The following RGS7 variants were observed in gnomAD, a reference collection of about 807,000 sequenced individuals.
The protein encoded by RGS7 is regulator of G protein signaling 7.
A neutral mutation model predicts 81.1 loss-of-function variants in RGS7; 27 were observed. The observed-to-expected ratio is 0.33, with a 90% CI of 0.25 to 0.46. The LOEUF is 0.46. Ranked by LOEUF, RGS7 falls within the 20% of genes least tolerant of loss-of-function variation. The pLI, the probability that RGS7 is intolerant of heterozygous loss-of-function variation, is 1.00. For synonymous variants in RGS7, 208 were observed against 207.7 expected (o/e 1.00, Z -0.01); for missense variants, 396 against 607.4 (o/e 0.65, Z 3.66).
intron 4 of RGS7, among the ~76,000 whole-genome samples, chr1:240,967,383 G>A (rs1049657639): frequency 4.6e-5 from 7 of 152,236 alleles, no homozygotes; most frequent in African/African-American, 1.7e-4. Context: ...GATCTGGGCT[G>A]GGAAAGGGTC....
chr1:241,205,799 A>T (rs536682005), intron 2 of RGS7, among the ~76,000 whole-genome samples: 1 of 152,166 alleles, frequency 6.6e-6, no homozygotes, highest in African/African-American at 2.4e-5. Flanking sequence ...TCTTAACTTT[A>T]AAGATGCTCC....
At chr1:240,786,884 A>T (rs1376550142) in intron 18 of RGS7, among the ~76,000 whole-genome samples, 6 of 152,204 alleles carry the variant, frequency 3.9e-5, no homozygotes. Context: ...TATATTTGAC[A>T]ATTATATAAT....
At chr1:241,154,874 C>T (rs774120162) in intron 2 of RGS7, among the ~76,000 whole-genome samples, 7 of 151,932 alleles carry the variant, frequency 4.6e-5, no homozygotes, top group Non-Finnish European at 8.8e-5. Flanking sequence ...ATGTAGTCAA[C>T]GGTGAGAGCA....
At chr1:241,183,717 C>A (rs775741354) in intron 2 of RGS7, among the ~76,000 whole-genome samples, 27 of 152,278 alleles carry the variant, frequency 1.8e-4, no homozygotes, top group Non-Finnish European at 3.7e-4. Context: ...CACCTGAATT[C>A]TAGTAAGAGA....
At chr1:241,258,657 G>C (rs2077160112) in intron 2 of RGS7, among the ~76,000 whole-genome samples, 1 of 152,162 alleles carries the variant, frequency 6.6e-6, no homozygotes, top group Non-Finnish European at 1.5e-5. Context: ...AGACCACTTA[G>C]AGTCCTAACA....
At chr1:241,281,273 T>TA (rs2078495222) in intron 2 of RGS7, among the ~76,000 whole-genome samples, 1 of 152,204 alleles carries the variant, frequency 6.6e-6, no homozygotes, top group African/African-American at 2.4e-5. Flanking sequence ...TATAATTGCA[T>TA]AAAATCAACT....
rs374447349 is a variant in RGS7 at position 240,913,374 on chromosome 1, C to T, written c.385+17343G>A. Among the ~76,000 whole-genome samples the T allele has an allele frequency of 1.6e-4, 25 of 152,110 alleles. 1 individual carries two copies. The highest frequency in any genetic ancestry group is 8.3e-4 in the South Asian group (4 of 4,818). ...AGTCCTTGTATATATAAGGTAAAAG[C>T]CAGACCTTTTAATGACTTACACATT... On this transcript the variant is annotated intron_variant, in intron 6 of 18. Transcript: ENST00000440928.
chr1:240,786,851 T>C (rs1238415985), intron 18 of RGS7, among the ~76,000 whole-genome samples: 1 of 152,332 alleles, frequency 6.6e-6, no homozygotes, highest in Non-Finnish European at 1.5e-5. Context: ...AATTCACAAT[T>C]GTTGTACTTT....
chr1:240,788,747 G>T (rs1033642303), intron 18 of RGS7, among the ~76,000 whole-genome samples: 1 of 152,212 alleles, frequency 6.6e-6, no homozygotes, highest in African/African-American at 2.4e-5. Context: ...GACAAAGACA[G>T]AATAATTCTA....
intron 2 of RGS7, among the ~76,000 whole-genome samples, chr1:241,307,407 T>C (rs906301548): frequency 3.3e-5 from 5 of 152,364 alleles, no homozygotes; most frequent in African/African-American, 9.6e-5. Flanking sequence ...TCAGGCTTTT[T>C]TGAGTGCATC....
intron 2 of RGS7, among the ~76,000 whole-genome samples, chr1:241,112,654 C>T (rs1032275171): frequency 1.3e-5 from 2 of 152,148 alleles, no homozygotes; most frequent in Admixed American, 6.5e-5. Context: ...CTCTGTGTAA[C>T]ACTCTTGGTT....
At chr1:241,349,847 A>G (rs1222595015) in intron 2 of RGS7, among the ~76,000 whole-genome samples, 1 of 152,210 alleles carries the variant, frequency 6.6e-6, no homozygotes, top group Non-Finnish European at 1.5e-5. Context: ...TAAACTGTCC[A>G]AATTCAAAGT....
chr1:241,325,363 T>C lies in RGS7; in HGVS notation c.78+30336A>G, dbSNP rs192251064. ...GTGCCTATTAGTTACACAGAACTCA[T>C]AGGCCAGGTACTATTTTGCTATTGA... is the stretch of plus-strand genomic sequence containing the variant. On this transcript the variant is annotated intron_variant, in intron 2 of 18. Transcript: ENST00000440928. Among the ~76,000 whole-genome samples the C allele has an allele frequency of 2.8e-3, 420 of 152,326 alleles. 2 individuals are homozygous for C. Among genetic ancestry groups the C allele is most frequent in the Middle Eastern group, 6.8e-3 (2 of 294 alleles).
chr1:240,890,595 G>C (rs1331314175), intron 6 of RGS7, among the ~76,000 whole-genome samples: 1 of 151,778 alleles, frequency 6.6e-6, no homozygotes, highest in Non-Finnish European at 1.5e-5. Context: ...AATAGTAACA[G>C]CAACAATAAT....
rs577360541 is a variant in RGS7 at position 241,297,959 on chromosome 1, G to C, written c.78+57740C>G. ...TGCAAAGTTTAATCACCACTAGATC[G>C]AAACTAAATACCAGAACACAGGTGT... is the stretch of plus-strand genomic sequence containing the variant. On this transcript the variant is annotated intron_variant, in intron 2 of 18. Transcript: ENST00000440928. Among the ~76,000 whole-genome samples the C allele has an allele frequency of 1.1e-4, 17 of 152,242 alleles. No homozygotes were observed. The South Asian group carries it at 2.3e-3, about 20-fold the overall frequency.
At chr1:241,300,071 C>G (rs918958559) in intron 2 of RGS7, among the ~76,000 whole-genome samples, 1 of 151,388 alleles carries the variant, frequency 6.6e-6, no homozygotes, top group Non-Finnish European at 1.5e-5. Context: ...GCCGTGATCA[C>G]GCCACTGCAC....
At chr1:240,835,775 C>A (rs528838423) in intron 9 of RGS7, among the ~76,000 whole-genome samples, 1 of 152,098 alleles carries the variant, frequency 6.6e-6, no homozygotes, top group South Asian at 2.1e-4. Flanking sequence ...GCCATTAAGC[C>A]ACAAAAAGAC....
At chr1:240,900,912 C>T (rs1246484411) in intron 6 of RGS7, among the ~76,000 whole-genome samples, 5 of 152,210 alleles carry the variant, frequency 3.3e-5, no homozygotes, top group African/African-American at 1.2e-4. Flanking sequence ...CAGAGGCAGG[C>T]AGGCCTTCTT....
chr1:241,278,738 T>C (rs977130121), intron 2 of RGS7, among the ~76,000 whole-genome samples: 1 of 152,164 alleles, frequency 6.6e-6, no homozygotes, highest in Non-Finnish European at 1.5e-5. Context: ...AGATCTACGT[T>C]CTGTTGGCTT....
Sources: allele counts gnomAD v4.1 joint callset (sites outside exome capture counted in the v4.1 genomes callset), GRCh38; gene constraint gnomAD v4.1.1; transcripts MANE v1.5; gene names NCBI Gene and HGNC (gene_info 2026-07-23, HGNC 2026-07-21).